GMEB2: variants seen among roughly 807,000 people sequenced by gnomAD.
The protein encoded by GMEB2 is glucocorticoid modulatory element-binding protein 2.
Under a neutral mutation model 45.7 loss-of-function variants are expected in GMEB2, and 7 were observed. The observed-to-expected ratio is 0.15, with a 90% CI of 0.09 to 0.29. GMEB2 has a LOEUF of 0.29. Ranked by LOEUF, GMEB2 falls within the 10% of genes least tolerant of loss-of-function variation. GMEB2 has a pLI of 1.00. For missense variants in GMEB2, 582 were observed against 739.2 expected, an observed-to-expected ratio of 0.79 and a Z score of 2.47; for synonymous variants, 322 against 323.6, an observed-to-expected ratio of 1.00 and a Z score of 0.05.
At chr20:63,595,812 C>T in intron 5 of GMEB2, 45 bp from the exon 6 acceptor site, 2 of 1,596,662 alleles carry the variant, frequency 1.3e-6, no homozygotes, top group Non-Finnish European at 8.6e-7. Flanking sequence ...GCCCCAGAGC[C>T]GAAGGCACCT....
At position 63,593,388 on chromosome 20, in the gene GMEB2, A is replaced by G. The variant is rs1280238495; in HGVS notation, c.620-306T>C. ...CTCTTGTCCATTTACGATTGTACTC[A>G]ACAAGCACTTTCGACTGGACCGTCA... On this transcript the variant is annotated intron_variant, in intron 6 of 9. Coordinates refer to ENST00000370077, the MANE Select transcript of GMEB2 (RefSeq NM_012384.5). The surrounding 1 kb of genome is among the most constrained non-coding windows in gnomAD (Gnocchi z 4.7). Among the ~76,000 whole-genome samples the G allele has an allele frequency of 6.6e-6, 1 of 151,978 alleles. No homozygotes were observed. The highest frequency in any genetic ancestry group is 1.9e-4 in the East Asian group (1 of 5,166).
chr20:63,605,176 T>C (rs955264559), intron 2 of GMEB2, among the ~76,000 whole-genome samples: 2 of 151,730 alleles, frequency 1.3e-5, no homozygotes, highest in Non-Finnish European at 2.9e-5. Flanking sequence ...GAGGCAGAGA[T>C]TGCAGTGAGC....
rs748249510 is a variant in GMEB2 at position 63,595,648 on chromosome 20, G to A, written c.581C>T (p.Ser194Leu). 2.0e-5 allele frequency: 32 copies of A among 1,613,340 alleles called. No individual in the cohort carries two copies. Among genetic ancestry groups the A allele is most frequent in the Non-Finnish European group, 2.0e-5 (24 of 1,179,766 alleles). The change falls in exon 6 of 10, where the codon TCG becomes TTG. Residue 194 changes from serine (S) to leucine (L), a missense_variant. Around this residue, in one of 3 missense-constraint regions of GMEB2, gnomAD observed 462 missense variants for 586.7 expected, o/e 0.79. Coordinates refer to ENST00000370077, the MANE Select transcript of GMEB2 (RefSeq NM_012384.5). Reference protein sequence around the residue: ...GARVSLSSPTSAEYIPLTPAA... With the variant: ...GARVSLSSPTLAEYIPLTPAA... The stretch of plus-strand genomic sequence containing the variant: ...GGGCGTGAGGGGAATGTACTCGGCC[G>A]ACGTGGGGCTGCTCAGGGACACACG...
chr20:63,610,390 G>A (rs953262475), intron 2 of GMEB2, among the ~76,000 whole-genome samples: 3 of 152,144 alleles, frequency 2.0e-5, no homozygotes, highest in Non-Finnish European at 2.9e-5. Context: ...GCGTGGTGGC[G>A]GGCGCCTGTA....
At chr20:63,614,391 A>G (rs2089592917) in intron 2 of GMEB2, among the ~76,000 whole-genome samples, 1 of 152,244 alleles carries the variant, frequency 6.6e-6, no homozygotes, top group Non-Finnish European at 1.5e-5. Context: ...GGACAGGGCC[A>G]CCAGAGGGCT....
chr20:63,606,795 AG>A (rs2089522945), intron 2 of GMEB2, among the ~76,000 whole-genome samples: 1 of 152,238 alleles, frequency 6.6e-6, no homozygotes, highest in Non-Finnish European at 1.5e-5. Flanking sequence ...GGAAACGCAA[AG>A]GCCCCAAGCA....
At chr20:63,622,107 C>A (rs557761312) in intron 1 of GMEB2, among the ~76,000 whole-genome samples, 1 of 151,648 alleles carries the variant, frequency 6.6e-6, no homozygotes, top group African/African-American at 2.4e-5. Flanking sequence ...CCAGCCTGGG[C>A]AACAGATCAA....
chr20:63,607,269 C>T (rs76446897), intron 2 of GMEB2, among the ~76,000 whole-genome samples: 9 of 118,188 alleles, frequency 7.6e-5, no homozygotes, highest in African/African-American at 1.4e-4. Flanking sequence ...CCCTCTGACC[C>T]CACATCCATT....
chr20:63,598,373 C>CACACACACAG (rs1491278105), intron 4 of GMEB2, among the ~76,000 whole-genome samples: 2 of 151,072 alleles, frequency 1.3e-5, no homozygotes, highest in Non-Finnish European at 2.9e-5. Flanking sequence ...CACACACACA[C>CACACACACAG]TCATCTGTTT....
chr20:63,596,531 T>C (rs2083202003), intron 5 of GMEB2, among the ~76,000 whole-genome samples: 1 of 152,204 alleles, frequency 6.6e-6, no homozygotes, highest in Admixed American at 6.5e-5. Context: ...CCCACAGCTG[T>C]GCCACCAGCC....
rs1196283148 is a variant in GMEB2 at position 63,590,047 on chromosome 20, C to G, written c.*42G>C. 3.4e-6 allele frequency: 5 copies of G among 1,475,878 alleles called. No homozygotes were observed. Among genetic ancestry groups the G allele is most frequent in the African/African-American group, 1.4e-5 (1 of 70,770 alleles). 91.4% of individuals were successfully genotyped at this position (1,475,878 alleles called of 1,614,324 possible). ...GCTCCCTGCTGCCGCGGCTGAGAGA[C>G]AGCCAGCCCTGTCCGTCCCAGGGGC... On this transcript the variant is annotated 3_prime_UTR_variant, in exon 10 of 10. Transcript: ENST00000370077.
chr20:63,602,599 C>T (rs1179044970), intron 4 of GMEB2, among the ~76,000 whole-genome samples: 1 of 152,210 alleles, frequency 6.6e-6, no homozygotes. Context: ...TCGGCTGTTC[C>T]ACCACAGGTG....
In GMEB2 at chr20:63,592,736, C is replaced by T. The variant is rs2083159635; in HGVS notation, c.692-66G>A. Reference sequence around the variant, plus strand: ...TGCTACACGGGGCAGCCACCACAGCCACAAGGACATCACCATAGCCACGAG... The same window carrying T: ...TGCTACACGGGGCAGCCACCACAGCTACAAGGACATCACCATAGCCACGAG... On this transcript the variant is annotated intron_variant, in intron 7 of 9. Transcript: ENST00000370077. This position sits in a 1 kb window ranked among gnomAD's most constrained non-coding sequence, Gnocchi z 8.2. The T allele has an allele frequency of 1.0e-5, 13 of 1,302,772 alleles. No homozygotes were observed. In the South Asian group the frequency reaches 1.5e-4, roughly 15 times the overall value. The allele number at this position is 1,302,772 out of a possible 1,614,324, so 80.7% of individuals were successfully genotyped here.
In GMEB2 at chr20:63,591,994, G is replaced by A. The variant is rs2083150902; in HGVS notation, c.952+28C>T. 3 of 1,589,704 alleles carry A rather than the reference G, an allele frequency of 1.9e-6. No individual in the cohort carries two copies. In the East Asian group the frequency reaches 6.8e-5, roughly 36 times the overall value. On this transcript the variant is annotated intron_variant, in intron 9 of 9. Coordinates refer to ENST00000370077, the MANE Select transcript of GMEB2 (RefSeq NM_012384.5). Reference sequence around the variant, plus strand: ...CCAGGTCCTCAGCCTACCGCCCAGGGGACGGGACGGGGGTGGTCTCAGCAT... The same window carrying A: ...CCAGGTCCTCAGCCTACCGCCCAGGAGACGGGACGGGGGTGGTCTCAGCAT...
intron 9 of GMEB2, 93 bp from the exon 10 acceptor site, chr20:63,590,822 GGCCC>G (rs1270317088): frequency 2.4e-6 from 2 of 817,314 alleles, no homozygotes; most frequent in Non-Finnish European, 3.6e-6. Flanking sequence ...CCATCTGGGT[GGCCC>G]CTGGGTCAGT....
At chr20:63,624,644 A>G (rs1181057252) in intron 1 of GMEB2, among the ~76,000 whole-genome samples, 5 of 152,310 alleles carry the variant, frequency 3.3e-5, no homozygotes, top group South Asian at 2.1e-4. Flanking sequence ...AGGGCTTTGC[A>G]GAGGATTACG....
At chr20:63,602,818 C>G (rs1479229198) in intron 4 of GMEB2, 147 bp downstream of exon 4, 2 of 693,102 alleles carry the variant, frequency 2.9e-6, no homozygotes, top group Non-Finnish European at 4.8e-6. Flanking sequence ...GCGAATTCCT[C>G]TTCCTGAAGG....
intron 6 of GMEB2, among the ~76,000 whole-genome samples, chr20:63,594,355 G>A (rs945325666): frequency 6.6e-6 from 1 of 152,254 alleles, no homozygotes; most frequent in Non-Finnish European, 1.5e-5. Flanking sequence ...CAACACTAAC[G>A]CGGTGGAGCC....
chr20:63,623,374 A>G (rs1466276603), intron 1 of GMEB2, among the ~76,000 whole-genome samples: 1 of 152,194 alleles, frequency 6.6e-6, no homozygotes, highest in African/African-American at 2.4e-5. Context: ...TAGCCAGGAA[A>G]GTTACAATGA....
Sources: allele counts gnomAD v4.1 joint callset (sites outside exome capture counted in the v4.1 genomes callset), GRCh38; gene constraint gnomAD v4.1.1; regional missense constraint gnomAD v4.1.1; non-coding constraint Gnocchi (gnomAD v3.1); transcripts MANE v1.5; gene names NCBI Gene and HGNC (gene_info 2026-07-23, HGNC 2026-07-21).